Variants in TXNDC16 observed in about 807,000 individuals in gnomAD.
The protein encoded by TXNDC16 is thioredoxin domain containing 16, also known as thioredoxin domain-containing protein 16.
Under a neutral mutation model 85.6 loss-of-function variants are expected in TXNDC16, and 74 were observed. That is an observed-to-expected ratio of 0.86 (90% CI 0.72 to 1.05). The LOEUF (loss-of-function observed/expected upper bound fraction) is 1.05, where lower values mean the gene tolerates loss of function less well. TXNDC16 is among the 50% of genes least tolerant of loss of function. The pLI is 0.00. For synonymous variants in TXNDC16, 335 were observed against 326.5 expected, an observed-to-expected ratio of 1.03 and a Z score of -0.28; for missense variants, 959 against 947.0, an observed-to-expected ratio of 1.01 and a Z score of -0.17.
At chr14:52,493,216 T>TATATATA in intron 9 of TXNDC16, among the ~76,000 whole-genome samples, 6 of 115,942 alleles carry the variant, frequency 5.2e-5, no homozygotes, top group African/African-American at 2.1e-4. Context: ...TATATATATA[T>TATATATA]ACACACACAC....
intron 8 of TXNDC16, among the ~76,000 whole-genome samples, chr14:52,513,605 G>A (rs1045029317): frequency 6.6e-6 from 1 of 151,726 alleles, no homozygotes; most frequent in African/African-American, 2.4e-5. Context: ...AAATCTTACA[G>A]AAAAATACCA....
chr14:52,529,616 ATT>A (rs1030399308), intron 6 of TXNDC16, among the ~76,000 whole-genome samples: 1 of 100,954 alleles, frequency 9.9e-6, no homozygotes, highest in Admixed American at 1.3e-4. Flanking sequence ...TATAATGCCT[ATT>A]ATATATATTA....
intron 19 of TXNDC16, among the ~76,000 whole-genome samples, chr14:52,440,245 GA>G (rs1428001283): frequency 6.6e-6 from 1 of 152,058 alleles, no homozygotes; most frequent in African/African-American, 2.4e-5. Context: ...TAGAAGTACA[GA>G]AAAAGGAACT....
chr14:52,479,404 C>T (rs1293889473), intron 14 of TXNDC16, among the ~76,000 whole-genome samples: 3 of 151,992 alleles, frequency 2.0e-5, no homozygotes, highest in Admixed American at 6.6e-5. Flanking sequence ...GATTGTTTAT[C>T]TAGAAAACCC....
intron 18 of TXNDC16, among the ~76,000 whole-genome samples, chr14:52,451,598 T>C (rs1018574274): frequency 1.3e-5 from 2 of 151,974 alleles, no homozygotes; most frequent in African/African-American, 2.4e-5. Flanking sequence ...ACAAAAACCA[T>C]ATGATCATTT....
At chr14:52,466,246 A>G (rs536252537) in intron 16 of TXNDC16, among the ~76,000 whole-genome samples, 18 of 151,878 alleles carry the variant, frequency 1.2e-4, no homozygotes, top group Non-Finnish European at 2.4e-4. Flanking sequence ...TACAAAAAGT[A>G]GCCAGGCATG....
At chr14:52,533,826 C>T (rs902377646) in intron 6 of TXNDC16, among the ~76,000 whole-genome samples, 5 of 152,004 alleles carry the variant, frequency 3.3e-5, no homozygotes, top group East Asian at 3.9e-4. Flanking sequence ...GGGGTAAGAG[C>T]GGAAAGGCCC....
chr14:52,526,319 A>ATC (rs149976843), intron 6 of TXNDC16, among the ~76,000 whole-genome samples: 33 of 152,314 alleles, frequency 2.2e-4, no homozygotes, highest in African/African-American at 7.5e-4. Flanking sequence ...CAAAAAAGTT[A>ATC]GAGTCTACTT....
rs775098545 is a variant in TXNDC16, at chr14:52,511,366, A to T, written c.630T>A (p.His210Gln). 3.8e-6 allele frequency: 6 copies of T among 1,599,634 alleles called. No individual in the cohort carries two copies. In the African/African-American group the frequency reaches 8.0e-5, roughly 21 times the overall value. Residue 210 changes from histidine (H) to glutamine (Q), a missense_variant, in exon 9 of 21, where the codon CAT becomes CAA. Physicochemically the swap from His to Gln is conservative, Grantham distance 24. Transcript: ENST00000281741. ...CTAGTTTACAATGAAAAAAGTAGAG[A>T]TGTGCATATTCCACATCCTCAGAGC... Reference protein sequence around the residue: ...SIGSEDVEYAHLYFFHCKLVL... With the variant: ...SIGSEDVEYAQLYFFHCKLVL...
At chr14:52,509,344 G>A (rs1266986554) in intron 9 of TXNDC16, among the ~76,000 whole-genome samples, 1 of 152,084 alleles carries the variant, frequency 6.6e-6, no homozygotes, top group East Asian at 1.9e-4. Flanking sequence ...TCGAAGAGAA[G>A]GAAGTGAACC....
At chr14:52,479,468 C>A (rs1412412152) in intron 14 of TXNDC16, among the ~76,000 whole-genome samples, 4 of 151,926 alleles carry the variant, frequency 2.6e-5, no homozygotes, top group South Asian at 2.1e-4. Context: ...AGCAAAGTAC[C>A]CAGATACAGA....
intron 8 of TXNDC16, among the ~76,000 whole-genome samples, chr14:52,513,173 T>A (rs78014025): frequency 0.013 from 2,036 of 152,276 alleles, 45 homozygotes; most frequent in African/African-American, 0.046. Flanking sequence ...TCTTAACAAA[T>A]AATTTCAAAC....
intron 9 of TXNDC16, among the ~76,000 whole-genome samples, chr14:52,507,098 C>T (rs2036828676): frequency 6.6e-6 from 1 of 152,088 alleles, no homozygotes; most frequent in African/African-American, 2.4e-5. Context: ...AAAGGGTATT[C>T]AATCAGGAAA....
At chr14:52,475,320 C>T (rs1317208165) in intron 14 of TXNDC16, among the ~76,000 whole-genome samples, 1 of 152,110 alleles carries the variant, frequency 6.6e-6, no homozygotes, top group African/African-American at 2.4e-5. Context: ...AGTCTCCTGG[C>T]CAGAACTCGG....
At chr14:52,504,961 A>T (rs367678849) in intron 9 of TXNDC16, among the ~76,000 whole-genome samples, 1 of 152,226 alleles carries the variant, frequency 6.6e-6, no homozygotes, top group Admixed American at 6.5e-5. Flanking sequence ...ACAAAGATCA[A>T]AAGAGACAAA....
intron 9 of TXNDC16, 89 bp from the exon 10 acceptor site, chr14:52,491,094 T>G (rs185146243): frequency 7.1e-7 from 1 of 1,412,634 alleles, no homozygotes; most frequent in Admixed American, 2.9e-5. Flanking sequence ...AATAAAGTCA[T>G]GAGTAAAAAA....
chr14:52,484,017 T>C (rs2140145975), intron 12 of TXNDC16, among the ~76,000 whole-genome samples: 1 of 152,200 alleles, frequency 6.6e-6, no homozygotes, highest in East Asian at 1.9e-4. Flanking sequence ...TGTAAGAGCA[T>C]GGTGCAATCA....
chr14:52,461,350 A>C (rs2035647811), intron 16 of TXNDC16, among the ~76,000 whole-genome samples: 1 of 151,984 alleles, frequency 6.6e-6, no homozygotes, highest in Admixed American at 6.6e-5. Flanking sequence ...ACAAATCTAA[A>C]TATATTTAGC....
chr14:52,511,617 A>C (rs1426482489), intron 8 of TXNDC16, among the ~76,000 whole-genome samples: 1 of 152,116 alleles, frequency 6.6e-6, no homozygotes, highest in East Asian at 1.9e-4. Flanking sequence ...TTGTATAAAC[A>C]ATTTTTTTTT....
Sources: gnomAD v4.1 joint callset for allele counts (sites outside exome capture counted in the v4.1 genomes callset) on GRCh38, gnomAD v4.1.1 for gene constraint, MANE v1.5 for transcripts, NCBI Gene and HGNC (gene_info 2026-07-23, HGNC 2026-07-21) for gene names.